ITFG1: variants seen among roughly 807,000 people sequenced by gnomAD.
ITFG1 encodes integrin alpha FG-GAP repeat containing 1, also known as T-cell immunomodulatory protein.
Under a neutral mutation model 81.8 loss-of-function variants are expected in ITFG1, and 34 were observed. The observed-to-expected ratio is 0.42, with a 90% CI of 0.32 to 0.55. ITFG1 has a LOEUF of 0.55. Among genes scored for constraint, ITFG1 ranks in the 20% least tolerant of loss-of-function variants. ITFG1 has a pLI of 0.17. For missense variants in ITFG1, 672 were observed against 755.4 expected (o/e 0.89, Z 1.29); for synonymous variants, 285 against 270.6 (o/e 1.05, Z -0.52).
intron 8 of ITFG1, among the ~76,000 whole-genome samples, chr16:47,356,114 T>C (rs1567472490): frequency 3.9e-5 from 6 of 152,156 alleles, no homozygotes; most frequent in Admixed American, 2.6e-4. Flanking sequence ...GCTCTGCCAC[T>C]CCCTCCCTAG....
At chr16:47,361,284 T>C (rs1968105720) in intron 8 of ITFG1, among the ~76,000 whole-genome samples, 1 of 152,168 alleles carries the variant, frequency 6.6e-6, no homozygotes, top group African/African-American at 2.4e-5. Flanking sequence ...CTATAAAAAA[T>C]GCTGACATTC....
rs1967258957 is a variant in ITFG1, at chr16:47,311,384, T to C, written c.926A>G (p.Asn309Ser). The C allele has an allele frequency of 6.2e-7, 1 of 1,613,332 alleles. No homozygotes were observed. Among genetic ancestry groups the C allele is most frequent in the Non-Finnish European group, 8.5e-7 (1 of 1,179,548 alleles). The change falls in exon 10 of 18, where the codon AAT becomes AGT. Residue 309 changes from asparagine (N) to serine (S), a missense_variant. By Grantham distance (46) the Asn-to-Ser change is conservative. This residue lies in a region of ITFG1 where 560 missense variants were observed against 625.7 expected (regional missense o/e 0.90). Coordinates refer to ENST00000320640, the MANE Select transcript of ITFG1 (RefSeq NM_030790.5). ...QWVPVLQDFS[N>S]KGTLWGFVPF... The stretch of plus-strand genomic sequence containing the variant: ...CACAAAGCCCCAGAGTGTGCCCTTA[T>C]TGCTGAAATCTTGTAGGACTGGAAC...
intron 1 of ITFG1, among the ~76,000 whole-genome samples, chr16:47,460,520 C>T (rs996454256): frequency 6.6e-6 from 1 of 152,072 alleles, no homozygotes; most frequent in Non-Finnish European, 1.5e-5. Context: ...AATCAGGAAG[C>T]ACTTTGGAAA....
intron 8 of ITFG1, among the ~76,000 whole-genome samples, chr16:47,364,431 T>C (rs1968149505): frequency 6.6e-6 from 1 of 152,230 alleles, no homozygotes; most frequent in South Asian, 2.1e-4. Context: ...GATATAACTT[T>C]AATTTGGAGT....
chr16:47,433,857 AATATATATAT>A (rs4038737), intron 5 of ITFG1, among the ~76,000 whole-genome samples: 3,104 of 38,212 alleles, frequency 0.081, 111 homozygotes, highest in East Asian at 0.16. Flanking sequence ...ATAAAAACTG[AATATATATAT>A]ATATATATAT....
intron 10 of ITFG1, among the ~76,000 whole-genome samples, chr16:47,300,681 C>T (rs1393745926): frequency 1.3e-5 from 2 of 152,066 alleles, no homozygotes; most frequent in Non-Finnish European, 2.9e-5. Flanking sequence ...TTATAATATA[C>T]CTTAAAATAG....
chr16:47,296,258 T>G (rs1048336418), intron 10 of ITFG1, among the ~76,000 whole-genome samples: 34 of 151,558 alleles, frequency 2.2e-4, no homozygotes, highest in Admixed American at 6.6e-5. Context: ...TTTTTTTTAA[T>G]GTAGGCATTT....
At position 47,457,166 on chromosome 16, in the gene ITFG1, C is replaced by T. The variant is rs1472049367; in HGVS notation, c.281+1937G>A. Among the ~76,000 whole-genome samples, 4 of 152,120 alleles carry T rather than the reference C, an allele frequency of 2.6e-5. No individual in the cohort carries two copies. In the East Asian group the frequency reaches 7.7e-4, roughly 29 times the overall value. On this transcript the variant is annotated intron_variant, in intron 2 of 17. Coordinates refer to ENST00000320640, the MANE Select transcript of ITFG1 (RefSeq NM_030790.5). ...CTCTACTAAAAATACAAAAAATTAG[C>T]TAGGCATGGTGGCAGGCACCTGTAA...
At chr16:47,189,086 G>T (rs908473844) in intron 14 of ITFG1, among the ~76,000 whole-genome samples, 1 of 152,168 alleles carries the variant, frequency 6.6e-6, no homozygotes, top group Non-Finnish European at 1.5e-5. Context: ...TTTAATGAAG[G>T]TTCTTCTAAT....
intron 10 of ITFG1, among the ~76,000 whole-genome samples, chr16:47,265,933 C>T (rs1209638185): frequency 6.6e-6 from 1 of 152,022 alleles, no homozygotes; most frequent in East Asian, 1.9e-4. Context: ...AAAAGACAAC[C>T]CACAAAATGG....
intron 14 of ITFG1, among the ~76,000 whole-genome samples, chr16:47,203,643 G>C (rs1344378708): frequency 6.6e-6 from 1 of 152,188 alleles, no homozygotes; most frequent in Non-Finnish European, 1.5e-5. Flanking sequence ...TAATGCAGCG[G>C]CTGATCTGAC....
chr16:47,156,589 T>C (rs1964712585), intron 17 of ITFG1, among the ~76,000 whole-genome samples: 2 of 152,206 alleles, frequency 1.3e-5, no homozygotes, highest in African/African-American at 2.4e-5. Context: ...AAACATATTG[T>C]ATAACTGTAG....
At chr16:47,338,511 T>A (rs747104202) in intron 8 of ITFG1, among the ~76,000 whole-genome samples, 5 of 152,104 alleles carry the variant, frequency 3.3e-5, no homozygotes, top group Admixed American at 6.5e-5. Flanking sequence ...TACATTATAA[T>A]ATCTAAATGT....
intron 10 of ITFG1, among the ~76,000 whole-genome samples, chr16:47,308,892 A>G (rs538952015): frequency 2.6e-5 from 4 of 152,268 alleles, no homozygotes; most frequent in African/African-American, 7.2e-5. Flanking sequence ...TAATAACAAT[A>G]AAACTCTTCT....
chr16:47,194,510 G>A (rs1389621907), intron 14 of ITFG1, among the ~76,000 whole-genome samples: 1 of 152,068 alleles, frequency 6.6e-6, no homozygotes, highest in Non-Finnish European at 1.5e-5. Flanking sequence ...AGAAGAAAGG[G>A]CTAATGAATA....
At chr16:47,402,433 T>C (rs1379625889) in intron 6 of ITFG1, among the ~76,000 whole-genome samples, 3 of 152,162 alleles carry the variant, frequency 2.0e-5, no homozygotes, top group African/African-American at 7.2e-5. Context: ...ATCCCCACTT[T>C]TACAAATGAG....
At chr16:47,350,899 G>A (rs994756301) in intron 8 of ITFG1, among the ~76,000 whole-genome samples, 9 of 152,284 alleles carry the variant, frequency 5.9e-5, no homozygotes, top group Admixed American at 3.9e-4. Context: ...GGGATGGAAG[G>A]CTGGTTCAAC....
At chr16:47,237,920 T>C (rs367978632) in intron 13 of ITFG1, 45 bp downstream of exon 13, 127 of 849,230 alleles carry the variant, frequency 1.5e-4, no homozygotes, top group Middle Eastern at 5.5e-4. Context: ...TACTTATACA[T>C]AGAATTTTCA....
chr16:47,226,971 A>G (rs1965765716), intron 13 of ITFG1, among the ~76,000 whole-genome samples: 1 of 152,228 alleles, frequency 6.6e-6, no homozygotes, highest in African/African-American at 2.4e-5. Flanking sequence ...AAACAAAGTA[A>G]TGTCAGTAGA....
Sources: allele counts gnomAD v4.1 joint callset (sites outside exome capture counted in the v4.1 genomes callset), GRCh38; gene constraint gnomAD v4.1.1; regional missense constraint gnomAD v4.1.1; transcripts MANE v1.5; gene names NCBI Gene and HGNC (gene_info 2026-07-23, HGNC 2026-07-21).